The following ZEB2 variants were observed in gnomAD, a reference collection of about 807,000 sequenced individuals.
ZEB2 encodes the protein zinc finger E-box binding homeobox 2.
ZEB2 carries 6 observed loss-of-function variants against 99.9 expected under a neutral mutation model. That is an observed-to-expected ratio of 0.06 (90% CI 0.03 to 0.12). The LOEUF (loss-of-function observed/expected upper bound fraction) is 0.12, where lower values mean the gene tolerates loss of function less well. Among genes scored for constraint, ZEB2 ranks in the 10% least tolerant of loss-of-function variants. The probability of loss-of-function intolerance (pLI) is 1.00; values close to 1 mark genes in which losing one functional copy is unlikely to be tolerated. For synonymous variants in ZEB2, 517 were observed against 542.5 expected, an observed-to-expected ratio of 0.95 and a Z score of 0.65; for missense variants, 969 against 1,502.8, an observed-to-expected ratio of 0.64 and a Z score of 5.87.
chr2:144,472,661 C>T (rs755101544), intron 2 of ZEB2, among the ~76,000 whole-genome samples: 6 of 151,996 alleles, frequency 3.9e-5, no homozygotes, highest in Non-Finnish European at 7.4e-5. Context: ...TGAACCTGGG[C>T]GTGCTCACAA....
chr2:144,477,665 C>T (rs899814259), intron 2 of ZEB2, among the ~76,000 whole-genome samples: 1 of 152,182 alleles, frequency 6.6e-6, no homozygotes, highest in Non-Finnish European at 1.5e-5. Flanking sequence ...TCTTCAGCTA[C>T]TTTTGAGTTT....
chr2:144,458,494 A>G (rs764992867), intron 2 of ZEB2, among the ~76,000 whole-genome samples: 2 of 152,144 alleles, frequency 1.3e-5, no homozygotes, highest in Non-Finnish European at 2.9e-5. Flanking sequence ...TCACCTTGGA[A>G]TGATATAGAT....
At chr2:144,468,658 C>T (rs1419205887) in intron 2 of ZEB2, among the ~76,000 whole-genome samples, 4 of 121,148 alleles carry the variant, frequency 3.3e-5, no homozygotes, top group South Asian at 2.6e-4. Flanking sequence ...CACATGTTTG[C>T]GTGTATTACA....
At position 144,389,108 on chromosome 2, in the gene ZEB2, A is replaced by G; in HGVS notation, c.*343T>C. 1 of 543,872 alleles carries G rather than the reference A, an allele frequency of 1.8e-6. No homozygotes were observed. Among genetic ancestry groups the G allele is most frequent in the East Asian group, 3.1e-5 (1 of 32,424 alleles). 33.7% of individuals were successfully genotyped at this position (543,872 alleles called of 1,614,324 possible). A position where few individuals can be genotyped will look rare whatever the true frequency, so the allele number is the denominator to read the frequency against. Reference sequence around the variant, plus strand: ...TTTAAAATGTATTAATATAAATTAGACATAGTTTTTTAAAGTTTGTAGTGA... The same window carrying G: ...TTTAAAATGTATTAATATAAATTAGGCATAGTTTTTTAAAGTTTGTAGTGA... On this transcript the variant is annotated 3_prime_UTR_variant, in exon 10 of 10. Transcript: ENST00000627532. This position sits in a 1 kb window ranked among gnomAD's most constrained non-coding sequence, Gnocchi z 6.8.
chr2:144,449,584 A>C (rs891674005), intron 2 of ZEB2: 13 of 152,218 alleles, frequency 8.5e-5, no homozygotes, highest in Non-Finnish European at 1.9e-4. Flanking sequence ...CGTCAGATTC[A>C]GTGCAAGGTG....
At chr2:144,405,279 TA>T in intron 4 of ZEB2, 1 of 473,354 alleles carries the variant, frequency 2.1e-6, no homozygotes, top group Non-Finnish European at 3.7e-6. Context: ...TATTAGTCTG[TA>T]TATACAAAGA....
At chr2:144,475,535 A>G (rs1275833506) in intron 2 of ZEB2, among the ~76,000 whole-genome samples, 1 of 152,146 alleles carries the variant, frequency 6.6e-6, no homozygotes, top group East Asian at 1.9e-4. Flanking sequence ...TTCTTTCCAC[A>G]ATATTGCTGG....
rs1476153222 is a variant in ZEB2, at chr2:144,385,135, TA to T, written c.*4315del. ...ATTTTTCAGAATTTATAGGAGTGCTTATATAAGCGATAATAATTGGACCAGT... is the reference window on the plus strand; with the variant it reads ...ATTTTTCAGAATTTATAGGAGTGCTTTATAAGCGATAATAATTGGACCAGT... On this transcript the variant is annotated 3_prime_UTR_variant, in exon 10 of 10. Transcript: ENST00000627532. The T allele has an allele frequency of 6.6e-6, 1 of 152,192 alleles. No homozygotes were observed. Among genetic ancestry groups the T allele is most frequent in the Admixed American group, 6.5e-5 (1 of 15,276 alleles). 9.4% of individuals were successfully genotyped at this position (152,192 alleles called of 1,614,324 possible).
At chr2:144,411,585 C>T (rs1703465504) in intron 4 of ZEB2, among the ~76,000 whole-genome samples, 1 of 152,178 alleles carries the variant, frequency 6.6e-6, no homozygotes, top group African/African-American at 2.4e-5. Flanking sequence ...TACACAGCTA[C>T]ATGGGCGGCC....
chr2:144,479,048 A>C (rs1704470274), intron 2 of ZEB2, among the ~76,000 whole-genome samples: 1 of 152,254 alleles, frequency 6.6e-6, no homozygotes, highest in African/African-American at 2.4e-5. Context: ...ATTATTCCAA[A>C]TGAGTGCTAC....
intron 2 of ZEB2, among the ~76,000 whole-genome samples, chr2:144,459,578 C>A (rs147919821): frequency 1.1e-4 from 17 of 152,202 alleles, no homozygotes; most frequent in African/African-American, 4.1e-4. Flanking sequence ...AAAAAATTTC[C>A]TGCTGTCTTA....
chr2:144,513,868 C>A (rs1705087543), intron 2 of ZEB2: 7 of 1,530,368 alleles, frequency 4.6e-6, no homozygotes, highest in Non-Finnish European at 6.1e-6. Context: ...TCCTCTCCAG[C>A]GTCAGTGAAA....
intron 2 of ZEB2, among the ~76,000 whole-genome samples, chr2:144,432,887 T>A (rs1313084478): frequency 1.3e-5 from 2 of 152,194 alleles, no homozygotes; most frequent in Admixed American, 1.3e-4. Context: ...TAAATGAGGT[T>A]CATTGGGCAG....
intron 2 of ZEB2, chr2:144,513,762 A>G (rs1705084300): frequency 6.5e-7 from 1 of 1,535,934 alleles, no homozygotes; most frequent in Non-Finnish European, 8.7e-7. Context: ...GCAGCAGGGC[A>G]TCTCCCGCTC....
chr2:144,446,360 T>TCCTC (rs1376550526), intron 2 of ZEB2, among the ~76,000 whole-genome samples: 1 of 151,150 alleles, frequency 6.6e-6, no homozygotes, highest in Non-Finnish European at 1.5e-5. Flanking sequence ...CTTCCTTGCT[T>TCCTC]CCTCCCTCTA....
At chr2:144,470,387 A>G (rs1704337479) in intron 2 of ZEB2, 1 of 152,204 alleles carries the variant, frequency 6.6e-6, no homozygotes, top group Non-Finnish European at 1.5e-5. Flanking sequence ...AGATGATCAA[A>G]GCCAAGTATT....
chr2:144,517,173 GC>G (rs1560661273), intron 2 of ZEB2, 104 bp downstream of exon 2: 2 of 1,420,834 alleles, frequency 1.4e-6, no homozygotes, highest in African/African-American at 2.8e-5. Context: ...AGCCCTGGGC[GC>G]CGCCGCCGCC....
chr2:144,511,222 G>A (rs1474054121), intron 2 of ZEB2, among the ~76,000 whole-genome samples: 1 of 152,128 alleles, frequency 6.6e-6, no homozygotes, highest in Admixed American at 6.5e-5. Context: ...TTTTAAACAG[G>A]TGTATTCATG....
chr2:144,517,245 G>C, intron 2 of ZEB2, 33 bp downstream of exon 2: 2 of 1,612,734 alleles, frequency 1.2e-6, no homozygotes, highest in Non-Finnish European at 1.7e-6. Context: ...CCGCGTAGTG[G>C]CCCGGAAAAG....
Sources: allele counts gnomAD v4.1 joint callset (sites outside exome capture counted in the v4.1 genomes callset), GRCh38; gene constraint gnomAD v4.1.1; non-coding constraint Gnocchi (gnomAD v3.1); transcripts MANE v1.5; gene names NCBI Gene and HGNC (gene_info 2026-07-23, HGNC 2026-07-21).